Variants in PGM3 observed in about 807,000 individuals in gnomAD.
PGM3 encodes the protein phosphoglucomutase 3.
A neutral mutation model predicts 66.2 loss-of-function variants in PGM3; 40 were observed. That is an observed-to-expected ratio of 0.60 (90% CI 0.47 to 0.79). The LOEUF is 0.79. PGM3 is among the 30% of genes least tolerant of loss of function. The pLI is 0.00. For synonymous variants in PGM3, 191 were observed against 224.2 expected, an observed-to-expected ratio of 0.85 and a Z score of 1.32; for missense variants, 537 against 643.4, an observed-to-expected ratio of 0.83 and a Z score of 1.79.
intron 1 of PGM3, 110 bp from the exon 2 acceptor site, chr6:83,191,124 T>C: frequency 6.8e-7 from 1 of 1,469,644 alleles, no homozygotes; most frequent in Non-Finnish European, 9.3e-7. Flanking sequence ...CTGAACCTCC[T>C]CAAAGAACCC....
At chr6:83,160,128 T>G (rs935652044), downstream of PGM3, among the ~76,000 whole-genome samples, 1 of 152,226 alleles carries the variant, frequency 6.6e-6, no homozygotes, top group Non-Finnish European at 1.5e-5. Context: ...AAATGGTCAA[T>G]GTGGATATAT....
At chr6:83,172,677 C>A (rs1329796747) in intron 10 of PGM3, among the ~76,000 whole-genome samples, 1 of 151,706 alleles carries the variant, frequency 6.6e-6, no homozygotes, top group African/African-American at 2.4e-5. Context: ...ACAACAACAA[C>A]AACAAAAAAA....
At chr6:83,186,315 G>A (rs1378384841) in intron 4 of PGM3, among the ~76,000 whole-genome samples, 2 of 152,192 alleles carry the variant, frequency 1.3e-5, no homozygotes, top group Non-Finnish European at 2.9e-5. Context: ...GCTGAAGAAT[G>A]ACAGAAGAGG....
the PGM3 span, chr6:83,152,208 T>C: frequency 1.3e-6 from 1 of 764,554 alleles, no homozygotes; most frequent in East Asian, 3.3e-5. Flanking sequence ...TATATAAAAA[T>C]AATACACACA....
At chr6:83,177,385 C>G (rs1042489279) in intron 8 of PGM3, among the ~76,000 whole-genome samples, 2 of 151,992 alleles carry the variant, frequency 1.3e-5, no homozygotes, top group Non-Finnish European at 2.9e-5. Context: ...GGGTGGTCAC[C>G]TGGTGGACAC....
At chr6:83,164,225 G>T (rs956044961), downstream of PGM3, among the ~76,000 whole-genome samples, 2 of 150,974 alleles carry the variant, frequency 1.3e-5, no homozygotes, top group African/African-American at 4.9e-5. Context: ...TGATTAAAGA[G>T]ATTTTGCTGG....
At chr6:83,184,106 T>C (rs1291130381) in intron 4 of PGM3, among the ~76,000 whole-genome samples, 1 of 152,090 alleles carries the variant, frequency 6.6e-6, no homozygotes, top group Non-Finnish European at 1.5e-5. Flanking sequence ...ATACTTTCAT[T>C]GTAAACCTCA....
chr6:83,170,383 C>CTTCTTCACCAGGTCAT lies in PGM3; in HGVS notation c.1445_1460dup (p.Tyr488Ter). On this transcript the variant is annotated stop_gained and frameshift_variant, in exon 12 of 13. Transcript: ENST00000513973. LOFTEE classifies it high-confidence loss of function. ...GGACAAAAGCTCGAGAAAGCTTGTA[C>CTTCTTCACCAGGTCAT]TTCTTCACCAGGTCATTGATTGCCT... is the stretch of plus-strand genomic sequence containing the variant. 1.2e-6 allele frequency: 2 copies of CTTCTTCACCAGGTCAT among 1,614,128 alleles called. No homozygotes were observed. Among genetic ancestry groups the CTTCTTCACCAGGTCAT allele is most frequent in the Non-Finnish European group, 1.7e-6 (2 of 1,180,004 alleles).
rs555512143 is a variant in PGM3 at position 83,191,471 on chromosome 6, C to T, written c.-2-457G>A. ...CAGATTCTTGAGTGGACTGAAACTACATATCCCCAAATATCTGAGAAATCT... is the reference window on the plus strand; with the variant it reads ...CAGATTCTTGAGTGGACTGAAACTATATATCCCCAAATATCTGAGAAATCT... On this transcript the variant is annotated intron_variant, in intron 1 of 12. Coordinates refer to ENST00000513973, the MANE Select transcript of PGM3 (RefSeq NM_015599.3). 10 of 554,368 alleles carry T rather than the reference C, an allele frequency of 1.8e-5. No homozygotes were observed. The South Asian group carries it at 1.9e-4, about 11-fold the overall frequency. 34.3% of individuals were successfully genotyped at this position (554,368 alleles called of 1,614,324 possible).
chr6:83,172,439 C>CCTCA (rs540959875), intron 10 of PGM3, among the ~76,000 whole-genome samples: 1 of 151,796 alleles, frequency 6.6e-6, no homozygotes, highest in South Asian at 2.1e-4. Flanking sequence ...GCACTCCTGA[C>CCTCA]CTCACTGTCA....
Position 83,167,588 on chromosome 6 carries a change from C to T in PGM3, c.*1646G>A, listed in dbSNP as rs529373953. ...CAACATAAAACTTTTATGTTTGACTCTATTCCTGTTCAAAGCTATTTCTGT... is the reference window on the plus strand; with the variant it reads ...CAACATAAAACTTTTATGTTTGACTTTATTCCTGTTCAAAGCTATTTCTGT... On this transcript the variant is annotated 3_prime_UTR_variant, in exon 13 of 13. Transcript: ENST00000513973. 1.8e-6 allele frequency: 2 copies of T among 1,138,094 alleles called. No individual in the cohort carries two copies. Among genetic ancestry groups the T allele is most frequent in the African/African-American group, 3.2e-5 (2 of 62,240 alleles). The allele number at this position is 1,138,094 out of a possible 1,614,324, so 70.5% of individuals were successfully genotyped here.
chr6:83,153,426 G>C, the PGM3 span: 2 of 820,214 alleles, frequency 2.4e-6, no homozygotes, highest in Non-Finnish European at 3.7e-6. Context: ...AGTAGTCTAG[G>C]TTTTCTAACA....
downstream of PGM3, chr6:83,159,810 C>T: frequency 6.2e-7 from 1 of 1,614,174 alleles, no homozygotes; most frequent in Non-Finnish European, 8.5e-7. Flanking sequence ...TCAGGGCCCT[C>T]TGTGGCTGGT....
chr6:83,184,707 G>A (rs1243284006), intron 4 of PGM3, among the ~76,000 whole-genome samples: 2 of 152,096 alleles, frequency 1.3e-5, no homozygotes, highest in African/African-American at 2.4e-5. Flanking sequence ...TTTCAAGAGC[G>A]GCCTAGCTGG....
At chr6:83,173,369 A>ATAAC (rs1400033655) in intron 10 of PGM3, among the ~76,000 whole-genome samples, 11 of 152,180 alleles carry the variant, frequency 7.2e-5, no homozygotes. Flanking sequence ...ATTAGACTGG[A>ATAAC]TAACTCTAAG....
At chr6:83,157,727 T>G (rs989475068), downstream of PGM3, among the ~76,000 whole-genome samples, 1 of 152,180 alleles carries the variant, frequency 6.6e-6, no homozygotes, top group African/African-American at 2.4e-5. Context: ...ATACTCACTC[T>G]TGAAGTGCAG....
At chr6:83,191,058 C>T (rs1247752206) in intron 1 of PGM3, 44 bp from the exon 2 acceptor site, 1 of 1,579,194 alleles carries the variant, frequency 6.3e-7, no homozygotes, top group Non-Finnish European at 8.7e-7. Context: ...CAAGTAATTT[C>T]TTAAGAACCA....
chr6:83,183,731 ATTTTTT>A (rs909606033), intron 4 of PGM3, among the ~76,000 whole-genome samples: 1 of 147,800 alleles, frequency 6.8e-6, no homozygotes, highest in African/African-American at 2.5e-5. Context: ...TTTGTCATGA[ATTTTTT>A]TTTTTTGAGA....
chr6:83,166,858 A>T lies in PGM3; in HGVS notation c.*2376T>A, dbSNP rs903098592. Reference sequence around the variant, plus strand: ...CATCTGATCTTAGAAGGCAAACTCCATTTGTTAATATGACAGATTGTAATT... The same window carrying T: ...CATCTGATCTTAGAAGGCAAACTCCTTTTGTTAATATGACAGATTGTAATT... On this transcript the variant is annotated 3_prime_UTR_variant, in exon 13 of 13. Coordinates refer to ENST00000513973, the MANE Select transcript of PGM3 (RefSeq NM_015599.3). 1 of 996,602 alleles carries T rather than the reference A, an allele frequency of 1.0e-6. No individual in the cohort carries two copies. 61.7% of individuals were successfully genotyped at this position (996,602 alleles called of 1,614,324 possible).
Sources: allele counts gnomAD v4.1 joint callset (sites outside exome capture counted in the v4.1 genomes callset), GRCh38; gene constraint gnomAD v4.1.1; transcripts MANE v1.5; gene names NCBI Gene and HGNC (gene_info 2026-07-23, HGNC 2026-07-21).